The following NSD3 variants were observed in gnomAD, a reference collection of about 807,000 sequenced individuals.
NSD3 encodes the protein nuclear receptor binding SET domain protein 3.
Under a neutral mutation model 160.8 loss-of-function variants are expected in NSD3, and 24 were observed. That is an observed-to-expected ratio of 0.15 (90% CI 0.11 to 0.21). The LOEUF is 0.21. NSD3 is among the 10% of genes least tolerant of loss of function. The pLI is 1.00. For synonymous variants in NSD3, 520 were observed against 600.0 expected (o/e 0.87, Z 1.95); for missense variants, 1,157 against 1,735.9 (o/e 0.67, Z 5.93).
rs573780609 is a variant in NSD3, at chr8:38,338,787, C to T, written c.676-180G>A. On this transcript the variant is annotated intron_variant, in intron 2 of 23. Coordinates refer to ENST00000317025, the MANE Select transcript of NSD3 (RefSeq NM_023034.2). Reference sequence around the variant, plus strand: ...TACTCAATACCTAATGCTGTCTCAACATTCATTTTCCACCCCATATCATAG... The same window carrying T: ...TACTCAATACCTAATGCTGTCTCAATATTCATTTTCCACCCCATATCATAG... Among the ~76,000 whole-genome samples, 9 of 152,254 alleles carry T rather than the reference C, an allele frequency of 5.9e-5. No individual in the cohort carries two copies. In the South Asian group the frequency reaches 1.9e-3, roughly 32 times the overall value.
intron 6 of NSD3, among the ~76,000 whole-genome samples, chr8:38,328,744 G>C (rs1490661292): frequency 6.6e-6 from 1 of 152,224 alleles, no homozygotes; most frequent in Non-Finnish European, 1.5e-5. Flanking sequence ...TTATGGAAGA[G>C]TTTTAAAGTC....
intron 12 of NSD3, among the ~76,000 whole-genome samples, chr8:38,308,529 A>G (rs1809458923): frequency 6.6e-6 from 1 of 152,234 alleles, no homozygotes; most frequent in Non-Finnish European, 1.5e-5. Context: ...AAAATAAAAT[A>G]GGACTTCAGA....
At chr8:38,324,251 C>T (rs541058487) in intron 7 of NSD3, among the ~76,000 whole-genome samples, 6 of 152,288 alleles carry the variant, frequency 3.9e-5, no homozygotes, top group African/African-American at 9.6e-5. Flanking sequence ...CTTTCTTTAA[C>T]TCAACTTTCC....
intron 1 of NSD3, among the ~76,000 whole-genome samples, chr8:38,370,806 A>G (rs1464796027): frequency 6.6e-6 from 1 of 152,176 alleles, no homozygotes; most frequent in African/African-American, 2.4e-5. Context: ...TATGTGAATT[A>G]TATCTCAATA....
chr8:38,292,373 G>A (rs1448594408), intron 16 of NSD3, among the ~76,000 whole-genome samples: 1 of 152,226 alleles, frequency 6.6e-6, no homozygotes, highest in Non-Finnish European at 1.5e-5. Context: ...TTGGCCAGGT[G>A]TGGTGGCTCA....
rs149716799 is a variant in NSD3 at position 38,296,671 on chromosome 8, CCTCT to C, written c.2759-723_2759-720del. On this transcript the variant is annotated intron_variant, in intron 15 of 23. Transcript: ENST00000317025. ...AAACCTCTCTTTCTCTCTCTCTCTC[CCTCT>C]GTGTGTGTGTGTGTGTGTGTGTGTG... Among the ~76,000 whole-genome samples the C allele has an allele frequency of 7.6e-3, 870 of 114,888 alleles. 7 individuals carry two copies. The highest frequency in any genetic ancestry group is 0.026 in the African/African-American group (821 of 32,016). 75.4% of individuals were successfully genotyped at this position (114,888 alleles called of 152,430 possible). A position where few individuals can be genotyped will look rare whatever the true frequency, so the allele number is the denominator to read the frequency against.
rs373631117 is a variant in NSD3, at chr8:38,277,505, C to T, written c.3867+801G>A. Among the ~76,000 whole-genome samples the T allele has an allele frequency of 6.6e-5, 10 of 151,812 alleles. No individual in the cohort carries two copies. The East Asian group carries it at 7.8e-4, about 12-fold the overall frequency. On this transcript the variant is annotated intron_variant, in intron 22 of 23. Coordinates refer to ENST00000317025, the MANE Select transcript of NSD3 (RefSeq NM_023034.2). ...GTTGGTCAGGCTGGTCTTAAAACTC[C>T]TGACCTTGTGATCCACCGGCCTCAG... is the stretch of plus-strand genomic sequence containing the variant.
intron 12 of NSD3, among the ~76,000 whole-genome samples, chr8:38,305,960 G>C (rs990238784): frequency 2.0e-5 from 3 of 152,050 alleles, no homozygotes; most frequent in Admixed American, 6.6e-5. Flanking sequence ...CTTTCAAACA[G>C]AGCTGACTGA....
chr8:38,314,567 G>A, intron 12 of NSD3, 80 bp downstream of exon 12: 1 of 1,586,402 alleles, frequency 6.3e-7, no homozygotes, highest in South Asian at 1.1e-5. Context: ...GGAACAAGAT[G>A]TCCTAGGAGA....
chr8:38,299,620 T>G, intron 14 of NSD3, 30 bp from the exon 15 acceptor site: 1 of 1,491,568 alleles, frequency 6.7e-7, no homozygotes, highest in Non-Finnish European at 8.9e-7. Flanking sequence ...AGAGATGAGC[T>G]GCAATGAAAC....
rs1441409894 is a variant in NSD3, at chr8:38,275,440, C to T, written c.*201G>A. On this transcript the variant is annotated 3_prime_UTR_variant, in exon 24 of 24. Transcript: ENST00000317025. ...AAGACCAAGGGAATTTAACCCTCCA[C>T]AAAAGAATCCCAAACCAACCAAATC... is the stretch of plus-strand genomic sequence containing the variant. 1 of 558,132 alleles carries T rather than the reference C, an allele frequency of 1.8e-6. No homozygotes were observed. Among genetic ancestry groups the T allele is most frequent in the Non-Finnish European group, 3.1e-6 (1 of 318,176 alleles). 34.6% of individuals were successfully genotyped at this position (558,132 alleles called of 1,614,324 possible).
chr8:38,317,983 G>A lies in NSD3; in HGVS notation c.1855+912C>T, dbSNP rs372213001. 7.5e-5 allele frequency: 121 copies of A among 1,613,992 alleles called. No homozygotes were observed. Among genetic ancestry groups the A allele is most frequent in the Non-Finnish European group, 1.0e-4 (118 of 1,180,038 alleles). ...AGTCCACAGTTTCCTCAATCGCTGC[G>A]GAGACGGAGCTGTCACTGAATCTGA... On this transcript the variant is annotated intron_variant, in intron 9 of 23. Coordinates refer to ENST00000317025, the MANE Select transcript of NSD3 (RefSeq NM_023034.2). This position sits in a 1 kb window ranked among gnomAD's most constrained non-coding sequence, Gnocchi z 5.3.
In NSD3 at chr8:38,329,284, T is replaced by C; in HGVS notation, c.1581+94A>G. ...TTTCAAATTCAGTGGGTAGAAAGGG[T>C]ATTTAAATTATGCCAAGGTCATTGT... On this transcript the variant is annotated intron_variant, in intron 6 of 23. Coordinates refer to ENST00000317025, the MANE Select transcript of NSD3 (RefSeq NM_023034.2). This position sits in a 1 kb window ranked among gnomAD's most constrained non-coding sequence, Gnocchi z 4.8. 1 of 1,385,996 alleles carries C rather than the reference T, an allele frequency of 7.2e-7. No homozygotes were observed. Among genetic ancestry groups the C allele is most frequent in the Non-Finnish European group, 9.8e-7 (1 of 1,021,982 alleles). The allele number at this position is 1,385,996 out of a possible 1,614,324, so 85.9% of individuals were successfully genotyped here.
rs913865433 is a variant in NSD3 at position 38,272,150 on chromosome 8, G to C, written c.*3491C>G. On this transcript the variant is annotated 3_prime_UTR_variant, in exon 24 of 24. Coordinates refer to ENST00000317025, the MANE Select transcript of NSD3 (RefSeq NM_023034.2). ...GTTCCACAACGTTATTTACAGACAT[G>C]TTTTCAAATATTTTGTGTAAATGGC... 6.6e-6 allele frequency: 1 copy of C among 152,176 alleles called. No homozygotes were observed. The highest frequency in any genetic ancestry group is 1.5e-5 in the Non-Finnish European group (1 of 68,032). The allele number at this position is 152,176 out of a possible 1,614,324, so 9.4% of individuals were successfully genotyped here. A position where few individuals can be genotyped will look rare whatever the true frequency, so the allele number is the denominator to read the frequency against.
chr8:38,276,455 A>G lies in NSD3; in HGVS notation c.3913T>C (p.Leu1305=), dbSNP rs1808603507. 1 of 1,614,108 alleles carries G rather than the reference A, an allele frequency of 6.2e-7. No individual in the cohort carries two copies. Among genetic ancestry groups the G allele is most frequent in the Non-Finnish European group, 8.5e-7 (1 of 1,180,056 alleles). The change falls in exon 23 of 24, where the codon TTA becomes CTA. Residue 1305 remains leucine, a synonymous_variant. Coordinates refer to ENST00000317025, the MANE Select transcript of NSD3 (RefSeq NM_023034.2). ...TTGATCTTTCGTCTCTTCTGTTTTA[A>G]CTTAGCATTTTTTGCCTTCTCTTCA... ...TNEEKAKNAK[L]KQKRRKIKTE...
intron 2 of NSD3, among the ~76,000 whole-genome samples, chr8:38,341,075 G>C (rs77844711): frequency 6.6e-6 from 1 of 152,076 alleles, no homozygotes; most frequent in Non-Finnish European, 1.5e-5. Context: ...AGAGTTCAAG[G>C]CTTCAATGGG....
intron 7 of NSD3, among the ~76,000 whole-genome samples, chr8:38,326,077 G>T (rs59978327): frequency 1.3e-5 from 2 of 151,684 alleles, no homozygotes; most frequent in African/African-American, 4.8e-5. Flanking sequence ...GAACCTGGGA[G>T]GTGGAGGTTG....
At chr8:38,365,325 T>C (rs1811080679) in intron 1 of NSD3, among the ~76,000 whole-genome samples, 3 of 152,340 alleles carry the variant, frequency 2.0e-5, no homozygotes, top group African/African-American at 7.2e-5. Flanking sequence ...GGTTCACTAC[T>C]GAACACTAAC....
chr8:38,343,663 A>C (rs1810438449), intron 2 of NSD3, among the ~76,000 whole-genome samples: 1 of 152,220 alleles, frequency 6.6e-6, no homozygotes, highest in Admixed American at 6.5e-5. Flanking sequence ...AGACTGCACC[A>C]CTGCACTCCA....
Sources: gnomAD v4.1 joint callset for allele counts (sites outside exome capture counted in the v4.1 genomes callset) on GRCh38, gnomAD v4.1.1 for gene constraint, Gnocchi (gnomAD v3.1) non-coding constraint, MANE v1.5 for transcripts, NCBI Gene and HGNC (gene_info 2026-07-23, HGNC 2026-07-21) for gene names.